The following ARHGAP15 variants were observed in gnomAD, a reference collection of about 807,000 sequenced individuals.
ARHGAP15 encodes rho GTPase-activating protein 15.
ARHGAP15 carries 51 observed loss-of-function variants against 63.7 expected under a neutral mutation model. The observed-to-expected ratio is 0.80, with a 90% CI of 0.64 to 1.01. ARHGAP15 has a LOEUF of 1.01. ARHGAP15 is among the 50% of genes least tolerant of loss of function. The pLI is 0.00. For synonymous variants in ARHGAP15, 191 were observed against 193.8 expected, an observed-to-expected ratio of 0.99 and a Z score of 0.12; for missense variants, 560 against 564.6, an observed-to-expected ratio of 0.99 and a Z score of 0.08.
chr2:143,579,246 G>A (rs912852665), intron 11 of ARHGAP15, among the ~76,000 whole-genome samples: 3 of 152,120 alleles, frequency 2.0e-5, no homozygotes, highest in East Asian at 1.9e-4. Flanking sequence ...TAAGTACATC[G>A]ACTTCTCAGG....
chr2:143,461,562 T>C (rs1690942145), intron 8 of ARHGAP15, among the ~76,000 whole-genome samples: 1 of 152,170 alleles, frequency 6.6e-6, no homozygotes, highest in South Asian at 2.1e-4. Flanking sequence ...AAATTGGTTT[T>C]ACTCCCACCA....
chr2:143,134,828 G>T (rs1305613095), intron 1 of ARHGAP15, among the ~76,000 whole-genome samples: 1 of 151,816 alleles, frequency 6.6e-6, no homozygotes, highest in African/African-American at 2.4e-5. Flanking sequence ...TAGTAGAGTC[G>T]GGGTTTCACG....
intron 12 of ARHGAP15, among the ~76,000 whole-genome samples, chr2:143,675,249 T>C (rs1355999944): frequency 6.6e-6 from 1 of 152,214 alleles, no homozygotes; most frequent in East Asian, 1.9e-4. Context: ...GTTTTAGTTC[T>C]CTTGCTAGTT....
At chr2:143,469,088 G>A (rs906374586) in intron 8 of ARHGAP15, among the ~76,000 whole-genome samples, 4 of 152,138 alleles carry the variant, frequency 2.6e-5, no homozygotes, top group African/African-American at 9.7e-5. Flanking sequence ...TGTAATAAGA[G>A]AAAGGATCAG....
intron 6 of ARHGAP15, among the ~76,000 whole-genome samples, chr2:143,387,443 C>T (rs1687333263): frequency 6.6e-6 from 1 of 152,024 alleles, no homozygotes; most frequent in African/African-American, 2.4e-5. Context: ...GATTAGCTGC[C>T]AATAATACTG....
intron 12 of ARHGAP15, among the ~76,000 whole-genome samples, chr2:143,688,789 T>A (rs1038405171): frequency 6.6e-6 from 1 of 152,202 alleles, no homozygotes; most frequent in Non-Finnish European, 1.5e-5. Context: ...TGTTTTCTTT[T>A]AGGATTTAGT....
chr2:143,254,050 C>G (rs1680299195), intron 6 of ARHGAP15, among the ~76,000 whole-genome samples: 1 of 152,114 alleles, frequency 6.6e-6, no homozygotes, highest in Non-Finnish European at 1.5e-5. Context: ...TCTTAGTTAA[C>G]AGCAACACTA....
intron 2 of ARHGAP15, among the ~76,000 whole-genome samples, chr2:143,199,386 A>C (rs544549244): frequency 5.2e-4 from 79 of 152,314 alleles, no homozygotes; most frequent in African/African-American, 1.7e-3. Context: ...AGTTTTCTTC[A>C]GGAACTCCCT....
chr2:143,322,022 T>G (rs1316471396), intron 6 of ARHGAP15, among the ~76,000 whole-genome samples: 1 of 152,236 alleles, frequency 6.6e-6, no homozygotes, highest in East Asian at 1.9e-4. Context: ...TCTATCTAGA[T>G]GATTACTTCT....
At chr2:143,545,923 A>G (rs1172815816) in intron 10 of ARHGAP15, among the ~76,000 whole-genome samples, 8 of 152,218 alleles carry the variant, frequency 5.3e-5, no homozygotes, top group African/African-American at 1.4e-4. Flanking sequence ...TTCGCTTTTC[A>G]AACAATTCTA....
At chr2:143,482,037 A>G (rs901118836) in intron 8 of ARHGAP15, among the ~76,000 whole-genome samples, 3 of 152,220 alleles carry the variant, frequency 2.0e-5, no homozygotes, top group African/African-American at 7.2e-5. Flanking sequence ...AAGATCTCCA[A>G]TGGGAAAAGC....
intron 11 of ARHGAP15, among the ~76,000 whole-genome samples, chr2:143,592,757 A>G (rs1440578386): frequency 6.6e-6 from 1 of 152,242 alleles, no homozygotes; most frequent in Non-Finnish European, 1.5e-5. Context: ...AATGGTTAAT[A>G]TAGAAATGTG....
chr2:143,624,704 C>T (rs1362535962), intron 12 of ARHGAP15, among the ~76,000 whole-genome samples: 1 of 152,102 alleles, frequency 6.6e-6, no homozygotes, highest in East Asian at 1.9e-4. Flanking sequence ...TCAACTAAGA[C>T]ATCATGTTCT....
intron 8 of ARHGAP15, among the ~76,000 whole-genome samples, chr2:143,466,214 T>C (rs1558990406): frequency 6.6e-6 from 1 of 152,114 alleles, no homozygotes; most frequent in Non-Finnish European, 1.5e-5. Flanking sequence ...TCTCTACTTC[T>C]ATATAGGAGG....
chr2:143,216,881 TATTCA>T (rs1016321163), intron 4 of ARHGAP15, among the ~76,000 whole-genome samples: 2 of 152,136 alleles, frequency 1.3e-5, no homozygotes, highest in African/African-American at 4.8e-5. Flanking sequence ...AGTAACATCA[TATTCA>T]GAGGTGAGAG....
At chr2:143,393,751 A>G (rs1299715901) in intron 6 of ARHGAP15, among the ~76,000 whole-genome samples, 1 of 151,406 alleles carries the variant, frequency 6.6e-6, no homozygotes, top group Non-Finnish European at 1.5e-5. Flanking sequence ...AAAAAAAAAA[A>G]AAAGTGAAAT....
At chr2:143,712,584 C>G (rs1047079029) in intron 13 of ARHGAP15, among the ~76,000 whole-genome samples, 2 of 152,062 alleles carry the variant, frequency 1.3e-5, no homozygotes, top group Non-Finnish European at 2.9e-5. Flanking sequence ...CTAGAGACTT[C>G]TAACATTGAA....
intron 2 of ARHGAP15, among the ~76,000 whole-genome samples, chr2:143,183,238 G>T (rs559259225): frequency 6.6e-6 from 1 of 152,326 alleles, no homozygotes; most frequent in South Asian, 2.1e-4. Flanking sequence ...AGAAGAGCTG[G>T]TCTTCAGATA....
intron 6 of ARHGAP15, among the ~76,000 whole-genome samples, chr2:143,425,615 G>A (rs111487493): frequency 2.0e-5 from 3 of 152,032 alleles, no homozygotes; most frequent in African/African-American, 7.2e-5. Context: ...TAAACAGTTA[G>A]GAATGTTCTC....
Sources: allele counts gnomAD v4.1 joint callset (sites outside exome capture counted in the v4.1 genomes callset), GRCh38; gene constraint gnomAD v4.1.1; transcripts MANE v1.5; gene names NCBI Gene and HGNC (gene_info 2026-07-23, HGNC 2026-07-21).